The following TTC21A variants were observed in gnomAD, a reference collection of about 807,000 sequenced individuals.
The protein encoded by TTC21A is tetratricopeptide repeat protein 21A.
Under a neutral mutation model 156.4 loss-of-function variants are expected in TTC21A, and 128 were observed. The observed-to-expected ratio is 0.82, with a 90% CI of 0.71 to 0.95. TTC21A has a LOEUF of 0.95. Among genes scored for constraint, TTC21A ranks in the 40% least tolerant of loss-of-function variants. The probability of loss-of-function intolerance (pLI) is 0.00; values close to 1 mark genes in which losing one functional copy is unlikely to be tolerated. For missense variants in TTC21A, 1,435 were observed against 1,602.3 expected (o/e 0.90, Z 1.78); for synonymous variants, 587 against 617.1 (o/e 0.95, Z 0.72).
At chr3:39,123,146 T>C (rs573210080) in intron 9 of TTC21A, among the ~76,000 whole-genome samples, 2 of 152,248 alleles carry the variant, frequency 1.3e-5, no homozygotes, top group South Asian at 2.1e-4. Context: ...AAGAACATGC[T>C]ACTGTGAAAA....
Position 39,133,246 on chromosome 3 carries a change from T to C in TTC21A, c.2751+6T>C, listed in dbSNP as rs2038870743. ...ACTTGCCAACTGACAATAAGGTGAG[T>C]GGCCCTCAAAGCAAGAGGCTGCTTT... On this transcript the variant is annotated splice_donor_region_variant and intron_variant, in intron 20 of 28. Transcript: ENST00000683103. 1.2e-6 allele frequency: 2 copies of C among 1,610,886 alleles called. No individual in the cohort carries two copies. The highest frequency in any genetic ancestry group is 1.7e-5 in the Admixed American group (1 of 59,676).
chr3:39,129,636 T>C (rs942981059), intron 15 of TTC21A, among the ~76,000 whole-genome samples: 3 of 152,214 alleles, frequency 2.0e-5, no homozygotes, highest in East Asian at 1.9e-4. Context: ...TGATTTTGCA[T>C]TGGGACCTCC....
chr3:39,112,643 A>AC, intron 5 of TTC21A, 63 bp downstream of exon 5: 3 of 1,594,524 alleles, frequency 1.9e-6, no homozygotes, highest in Non-Finnish European at 2.6e-6. Flanking sequence ...CCAGAGACCC[A>AC]CCAGGTACCC....
In TTC21A at chr3:39,125,176, G is replaced by A. The variant is rs767659550; in HGVS notation, c.1191+16G>A. 1 of 1,596,110 alleles carries A rather than the reference G, an allele frequency of 6.3e-7. No homozygotes were observed. Among genetic ancestry groups the A allele is most frequent in the Non-Finnish European group, 8.6e-7 (1 of 1,164,590 alleles). ...GAAGTCTGAGGTCAGAGCTCCCTGGGGGTATGGGTTGCTCCAGGATGATGT... is the reference window on the plus strand; with the variant it reads ...GAAGTCTGAGGTCAGAGCTCCCTGGAGGTATGGGTTGCTCCAGGATGATGT... On this transcript the variant is annotated intron_variant, in intron 10 of 28. Coordinates refer to ENST00000683103, the MANE Select transcript of TTC21A (RefSeq NM_001366900.1).
chr3:39,128,444 A>T lies in TTC21A; in HGVS notation c.1636A>T (p.Met546Leu), dbSNP rs750821454. The T allele has an allele frequency of 5.0e-6, 8 of 1,614,070 alleles. No homozygotes were observed. The highest frequency in any genetic ancestry group is 5.1e-6 in the Non-Finnish European group (6 of 1,180,044). ...QIYLAQGNFG[M>L]CFHCLELGVS... Reference sequence around the variant, plus strand: ...CTACTTGGCTCAGGGCAACTTTGGCATGTGCTTCCACTGCTTAGAGCTGGG... The same window carrying T: ...CTACTTGGCTCAGGGCAACTTTGGCTTGTGCTTCCACTGCTTAGAGCTGGG... Residue 546 changes from methionine to leucine, a missense_variant, in exon 13 of 29, where the codon ATG becomes TTG. Met to Leu is a conservative substitution (Grantham distance 15). Coordinates refer to ENST00000683103, the MANE Select transcript of TTC21A (RefSeq NM_001366900.1).
In TTC21A at chr3:39,134,085, G is replaced by C; in HGVS notation, c.2752-133G>C. ...AGAAGGGGAAGGCCAGGACGTTCACGTGGGGAATTCGAGACATATTTTGAA... is the reference window on the plus strand; with the variant it reads ...AGAAGGGGAAGGCCAGGACGTTCACCTGGGGAATTCGAGACATATTTTGAA... On this transcript the variant is annotated intron_variant, in intron 20 of 28. Coordinates refer to ENST00000683103, the MANE Select transcript of TTC21A (RefSeq NM_001366900.1). The surrounding 1 kb of genome is among the most constrained non-coding windows in gnomAD (Gnocchi z 4.6). 2 of 703,642 alleles carry C rather than the reference G, an allele frequency of 2.8e-6. No homozygotes were observed. Among genetic ancestry groups the C allele is most frequent in the Middle Eastern group, 2.8e-4 (1 of 3,528 alleles). 43.6% of individuals were successfully genotyped at this position (703,642 alleles called of 1,614,324 possible). A position where few individuals can be genotyped will look rare whatever the true frequency, so the allele number is the denominator to read the frequency against.
chr3:39,108,088 C>T (rs138846028), intron 1 of TTC21A: 45 of 594,910 alleles, frequency 7.6e-5, no homozygotes, highest in African/African-American at 6.1e-4. Flanking sequence ...TACCCCAAAC[C>T]AGCTCATCCA....
chr3:39,121,090 CT>C lies in TTC21A; in HGVS notation c.995del (p.Leu332ArgfsTer7). 1 of 1,614,186 alleles carries C rather than the reference CT, an allele frequency of 6.2e-7. No individual in the cohort carries two copies. The highest frequency in any genetic ancestry group is 8.5e-7 in the Non-Finnish European group (1 of 1,180,030). On this transcript the variant is annotated frameshift_variant, in exon 9 of 29. Coordinates refer to ENST00000683103, the MANE Select transcript of TTC21A (RefSeq NM_001366900.1). LOFTEE classifies it high-confidence loss of function. ...TPSYVHVATE[L>X]GYLFILKNQV... ...CTCGTATGTCCATGTGGCCACAGAA[CT>C]GGGCTATCTCTTCATCCTGAAGAAC...
intron 19 of TTC21A, chr3:39,132,687 G>T: frequency 4.0e-6 from 1 of 251,116 alleles, no homozygotes; most frequent in Non-Finnish European, 7.6e-6. Flanking sequence ...CAGCAGGGAG[G>T]CATACAGAAC....
intron 6 of TTC21A, among the ~76,000 whole-genome samples, chr3:39,116,450 T>C (rs2037292829): frequency 6.6e-6 from 1 of 150,554 alleles, no homozygotes; most frequent in African/African-American, 2.5e-5. Context: ...ATCATATTCT[T>C]TGTGTATTCT....
At chr3:39,122,041 G>A (rs951732229) in intron 9 of TTC21A, among the ~76,000 whole-genome samples, 8 of 152,194 alleles carry the variant, frequency 5.3e-5, no homozygotes, top group Admixed American at 1.3e-4. Flanking sequence ...AGGCGTGATG[G>A]CTCACGCCTG....
Position 39,129,087 on chromosome 3 carries a change from G to T in TTC21A, c.1912G>T (p.Val638Phe). 2 of 1,614,210 alleles carry T rather than the reference G, an allele frequency of 1.2e-6. No individual in the cohort carries two copies. Among genetic ancestry groups the T allele is most frequent in the Non-Finnish European group, 1.7e-6 (2 of 1,180,020 alleles). ...LNGELHEATKVMQDTINEFGG... is the reference protein window; with the variant it reads ...LNGELHEATKFMQDTINEFGG... ...CATGTTTTAGCATGAGGCCACCAAG[G>T]TCATGCAGGACACCATCAATGAGTT... is the stretch of plus-strand genomic sequence containing the variant. Residue 638 changes from valine (V) to phenylalanine (F), a missense_variant, in exon 15 of 29, where the codon GTC (valine) becomes TTC (phenylalanine). Transcript: ENST00000683103.
At position 39,121,173 on chromosome 3, in the gene TTC21A, C is replaced by T. The variant is rs760087289; in HGVS notation, c.1077C>T (p.Gly359=). 13 of 1,612,934 alleles carry T rather than the reference C, an allele frequency of 8.1e-6. No individual in the cohort carries two copies. Among genetic ancestry groups the T allele is most frequent in the Non-Finnish European group, 1.1e-5 (13 of 1,179,298 alleles). ...YSEAMKLDKD[G]MAGLTGIILC... is the part of the protein sequence containing the mutation. The stretch of plus-strand genomic sequence containing the variant: ...AAGCCATGAAACTGGACAAGGATGG[C>T]ATGGCTGGTTTGACAGGTATATGCA... The change falls in exon 9 of 29, where the codon GGC becomes GGT. Residue 359 remains glycine (G), a synonymous_variant. Transcript: ENST00000683103.
rs1414319692 is a variant in TTC21A, at chr3:39,138,693, A to G, written c.3865-18A>G. ...GAAACCTGCATGATACTGCACACCC[A>G]TTCTCTCTCTGTTCCAGGTCCTCAG... On this transcript the variant is annotated intron_variant, in intron 28 of 28. Coordinates refer to ENST00000683103, the MANE Select transcript of TTC21A (RefSeq NM_001366900.1). The G allele has an allele frequency of 4.3e-6, 7 of 1,614,086 alleles. No homozygotes were observed. Among genetic ancestry groups the G allele is most frequent in the Non-Finnish European group, 3.4e-6 (4 of 1,179,960 alleles).
intron 22 of TTC21A, among the ~76,000 whole-genome samples, chr3:39,135,996 T>C (rs1017611924): frequency 7.3e-5 from 11 of 149,990 alleles, no homozygotes; most frequent in Admixed American, 7.3e-4. Context: ...AGGCAGAGCT[T>C]GCAGTGAGCC....
At chr3:39,118,990 G>A (rs1325769886) in intron 7 of TTC21A, 1 of 152,134 alleles carries the variant, frequency 6.6e-6, no homozygotes, top group Non-Finnish European at 1.5e-5. Context: ...TCGTCTCTGG[G>A]TAGGAATAAG....
intron 6 of TTC21A, 90 bp from the exon 7 acceptor site, chr3:39,117,979 A>T (rs1348014342): frequency 3.4e-6 from 3 of 880,958 alleles, no homozygotes; most frequent in African/African-American, 1.7e-5. Flanking sequence ...GGGAGAATGG[A>T]TATTCAAAGA....
Position 39,130,499 on chromosome 3 carries a change from G to T in TTC21A, c.2319+141G>T. ...GCTCCTTGCTGAATGGGGTGCCAAG[G>T]GGAGAACTCAGCAACTCTCTGCTGC... On this transcript the variant is annotated intron_variant, in intron 17 of 28. Transcript: ENST00000683103. The surrounding 1 kb of genome is among the most constrained non-coding windows in gnomAD (Gnocchi z 4.5). 1.1e-6 allele frequency: 1 copy of T among 936,614 alleles called. No homozygotes were observed. The highest frequency in any genetic ancestry group is 2.5e-5 in the East Asian group (1 of 40,282). The allele number at this position is 936,614 out of a possible 1,614,324, so 58.0% of individuals were successfully genotyped here. A position where few individuals can be genotyped will look rare whatever the true frequency, so the allele number is the denominator to read the frequency against.
intron 4 of TTC21A, among the ~76,000 whole-genome samples, chr3:39,111,269 A>AT (rs1000544897): frequency 2.5e-4 from 38 of 151,994 alleles, no homozygotes; most frequent in Middle Eastern, 3.4e-3. Flanking sequence ...TTCTTAAGAA[A>AT]TTTTTTTTTG....
Sources: gnomAD v4.1 joint callset for allele counts (sites outside exome capture counted in the v4.1 genomes callset) on GRCh38, gnomAD v4.1.1 for gene constraint, Gnocchi (gnomAD v3.1) non-coding constraint, MANE v1.5 for transcripts, NCBI Gene and HGNC (gene_info 2026-07-23, HGNC 2026-07-21) for gene names.